PPP5C: variants seen among roughly 807,000 people sequenced by gnomAD.
PPP5C encodes the protein serine/threonine-protein phosphatase 5.
Under a neutral mutation model 66.7 loss-of-function variants are expected in PPP5C, and 21 were observed. The observed-to-expected ratio is 0.31, with a 90% CI of 0.22 to 0.45. The LOEUF (loss-of-function observed/expected upper bound fraction) is 0.45, where lower values mean the gene tolerates loss of function less well. Ranked by LOEUF, PPP5C falls within the 20% of genes least tolerant of loss-of-function variation. The pLI, the probability that PPP5C is intolerant of heterozygous loss-of-function variation, is 1.00. For missense variants in PPP5C, 464 were observed against 675.9 expected, an observed-to-expected ratio of 0.69 and a Z score of 3.48; for synonymous variants, 246 against 257.4, an observed-to-expected ratio of 0.96 and a Z score of 0.43.
At position 46,376,741 on chromosome 19, in the gene PPP5C, A is replaced by G. The variant is rs1202405422; in HGVS notation, c.633+167A>G. ...TGCCGAGGGCTTACCACATGATCTCATCTCGTCCCACAGCAGTTTGGGGAG... is the reference window on the plus strand; with the variant it reads ...TGCCGAGGGCTTACCACATGATCTCGTCTCGTCCCACAGCAGTTTGGGGAG... On this transcript the variant is annotated intron_variant, in intron 4 of 12. Transcript: ENST00000012443. This position sits in a 1 kb window ranked among gnomAD's most constrained non-coding sequence, Gnocchi z 5.1. 1 of 939,228 alleles carries G rather than the reference A, an allele frequency of 1.1e-6. No homozygotes were observed. Among genetic ancestry groups the G allele is most frequent in the African/African-American group, 1.7e-5 (1 of 59,778 alleles). The allele number at this position is 939,228 out of a possible 1,614,324, so 58.2% of individuals were successfully genotyped here. A position where few individuals can be genotyped will look rare whatever the true frequency, so the allele number is the denominator to read the frequency against.
chr19:46,354,896 G>T (rs992773240), intron 2 of PPP5C, among the ~76,000 whole-genome samples: 2 of 152,280 alleles, frequency 1.3e-5, no homozygotes, highest in East Asian at 3.9e-4. Flanking sequence ...GTGAGAATTC[G>T]CTAGTGCCCT....
chr19:46,371,296 G>A (rs1051798722), intron 2 of PPP5C, among the ~76,000 whole-genome samples: 2 of 152,164 alleles, frequency 1.3e-5, no homozygotes, highest in Admixed American at 6.5e-5. Flanking sequence ...TTAGAAATGC[G>A]TGTTGCCTTG....
intron 1 of PPP5C, among the ~76,000 whole-genome samples, chr19:46,351,057 C>T (rs1972175254): frequency 6.6e-6 from 1 of 152,154 alleles, no homozygotes; most frequent in African/African-American, 2.4e-5. Context: ...CTGTGGGCCT[C>T]AGTGCCCCGC....
chr19:46,375,732 G>T lies in PPP5C; in HGVS notation c.492G>T (p.Ser164=). ...AGCACAAGCGCTCCGTGGTGGACTC[G>T]CTGGACATCGAGAGCATGAGTGAGT... The part of the protein sequence containing the change: ...GDEHKRSVVD[S]LDIESMTIED... The change falls in exon 3 of 13, where the codon TCG becomes TCT. Residue 164 remains serine, a synonymous_variant. Coordinates refer to ENST00000012443, the MANE Select transcript of PPP5C (RefSeq NM_006247.4). 2 of 1,601,630 alleles carry T rather than the reference G, an allele frequency of 1.2e-6. No individual in the cohort carries two copies. Among genetic ancestry groups the T allele is most frequent in the Non-Finnish European group, 1.7e-6 (2 of 1,173,378 alleles).
intron 1 of PPP5C, among the ~76,000 whole-genome samples, chr19:46,347,455 C>T (rs946823810): frequency 6.6e-6 from 1 of 151,976 alleles, no homozygotes; most frequent in Non-Finnish European, 1.5e-5. Flanking sequence ...AGGAGGGCGC[C>T]ACCAATTGTG....
In PPP5C at chr19:46,383,212, T is replaced by C. The variant is rs1478486745; in HGVS notation, c.634-199T>C. On this transcript the variant is annotated intron_variant, in intron 4 of 12. Coordinates refer to ENST00000012443, the MANE Select transcript of PPP5C (RefSeq NM_006247.4). This position sits in a 1 kb window ranked among gnomAD's most constrained non-coding sequence, Gnocchi z 5.0. ...CAAAACAATCGCAATGCTTCGGCAC[T>C]GCACAGGCCACAGAAGCCTGCGGCT... 6.5e-6 allele frequency: 10 copies of C among 1,532,448 alleles called. No homozygotes were observed. Among genetic ancestry groups the C allele is most frequent in the Middle Eastern group, 1.7e-4 (1 of 5,958 alleles). The allele number at this position is 1,532,448 out of a possible 1,614,324, so 94.9% of individuals were successfully genotyped here.
chr19:46,351,231 C>T (rs1349504992), intron 1 of PPP5C, among the ~76,000 whole-genome samples: 1 of 152,174 alleles, frequency 6.6e-6, no homozygotes, highest in Admixed American at 6.5e-5. Flanking sequence ...AATGACTTAA[C>T]TTCTCTGGGC....
At chr19:46,389,413 A>AGTGTTGAGTAAGACTC in intron 11 of PPP5C, among the ~76,000 whole-genome samples, 1 of 45,414 alleles carries the variant, frequency 2.2e-5, no homozygotes, top group African/African-American at 7.0e-5. Flanking sequence ...ACACACACAC[A>AGTGTTGAGTAAGACTC]CACACACACA....
At chr19:46,377,735 T>C (rs1465811314) in intron 4 of PPP5C, among the ~76,000 whole-genome samples, 1 of 152,244 alleles carries the variant, frequency 6.6e-6, no homozygotes, top group Non-Finnish European at 1.5e-5. Context: ...TTGAATTTCA[T>C]TTCAATGTCA....
At chr19:46,387,481 A>G (rs377497271) in intron 9 of PPP5C, 28 bp downstream of exon 9, 3 of 1,614,064 alleles carry the variant, frequency 1.9e-6, no homozygotes, top group Non-Finnish European at 2.5e-6. Flanking sequence ...AGGTGTCTCC[A>G]GCAGAAAGGG....
chr19:46,348,303 T>C (rs952022251), intron 1 of PPP5C, among the ~76,000 whole-genome samples: 24 of 141,158 alleles, frequency 1.7e-4, no homozygotes, highest in Non-Finnish European at 2.7e-4. Context: ...AAGACCAGTT[T>C]GGAATTTTTT....
intron 4 of PPP5C, among the ~76,000 whole-genome samples, chr19:46,380,008 A>C (rs187935446): frequency 1.4e-4 from 21 of 152,364 alleles, no homozygotes; most frequent in Non-Finnish European, 2.4e-4. Flanking sequence ...TTAATGGACA[A>C]TATAAGAATC....
At chr19:46,371,826 C>T (rs1403890073) in intron 2 of PPP5C, among the ~76,000 whole-genome samples, 4 of 152,318 alleles carry the variant, frequency 2.6e-5, no homozygotes, top group East Asian at 3.9e-4. Flanking sequence ...CAGGCAGGCA[C>T]GGCTCCCTTC....
Position 46,376,362 on chromosome 19 carries a change from C to T in PPP5C, c.512-91C>T. 6.5e-7 allele frequency: 1 copy of T among 1,527,218 alleles called. No individual in the cohort carries two copies. The highest frequency in any genetic ancestry group is 8.9e-7 in the Non-Finnish European group (1 of 1,120,482). 94.6% of individuals were successfully genotyped at this position (1,527,218 alleles called of 1,614,324 possible). ...CCGCTCTCGACCTGTGTGTCCACAC[C>T]CAAGTTTTCCCCATCCCTGGGAGCG... On this transcript the variant is annotated intron_variant, in intron 3 of 12. Coordinates refer to ENST00000012443, the MANE Select transcript of PPP5C (RefSeq NM_006247.4). The surrounding 1 kb of genome is among the most constrained non-coding windows in gnomAD (Gnocchi z 5.1).
Position 46,388,347 on chromosome 19 carries a change from T to C in PPP5C, c.1136-61T>C. 6.5e-7 allele frequency: 1 copy of C among 1,543,806 alleles called. No individual in the cohort carries two copies. Among genetic ancestry groups the C allele is most frequent in the Non-Finnish European group, 8.8e-7 (1 of 1,136,206 alleles). On this transcript the variant is annotated intron_variant, in intron 9 of 12. Transcript: ENST00000012443. This position sits in a 1 kb window ranked among gnomAD's most constrained non-coding sequence, Gnocchi z 4.9. ...CACCTGGCCGGGCCAGGAGGTGGCCTGTGAGTGACCACCCCCGGGGAGGTG... is the reference window on the plus strand; with the variant it reads ...CACCTGGCCGGGCCAGGAGGTGGCCCGTGAGTGACCACCCCCGGGGAGGTG...
rs146850849 is a variant in PPP5C, at chr19:46,367,054, G to T, written c.364-8550G>T. Among the ~76,000 whole-genome samples, 827 of 152,300 alleles carry T rather than the reference G, an allele frequency of 5.4e-3. 4 individuals carry two copies. Among genetic ancestry groups the T allele is most frequent in the African/African-American group, 0.019 (789 of 41,556 alleles). ...ATCACTTCCATTCAGATAGGGTGTG[G>T]TTACATAGGTGCGGGACTAGTGGGC... On this transcript the variant is annotated intron_variant, in intron 2 of 12. Transcript: ENST00000012443.
Position 46,390,707 on chromosome 19 carries a change from C to T in PPP5C, c.*361C>T, listed in dbSNP as rs1973006418. The T allele has an allele frequency of 8.5e-7, 1 of 1,177,990 alleles. No individual in the cohort carries two copies. Among genetic ancestry groups the T allele is most frequent in the African/African-American group, 1.6e-5 (1 of 63,600 alleles). The allele number at this position is 1,177,990 out of a possible 1,614,324, so 73.0% of individuals were successfully genotyped here. A position where few individuals can be genotyped will look rare whatever the true frequency, so the allele number is the denominator to read the frequency against. On this transcript the variant is annotated 3_prime_UTR_variant, in exon 13 of 13. Transcript: ENST00000012443. ...CAATAGGGCCCCGCCATAGGAAGAC[C>T]CCCAGAGAGAGGGTCAGCAGGGGGG...
In PPP5C at chr19:46,388,838, A is replaced by T; in HGVS notation, c.1355+107A>T. On this transcript the variant is annotated intron_variant, in intron 11 of 12. Coordinates refer to ENST00000012443, the MANE Select transcript of PPP5C (RefSeq NM_006247.4). This position sits in a 1 kb window ranked among gnomAD's most constrained non-coding sequence, Gnocchi z 4.9. The stretch of plus-strand genomic sequence containing the variant: ...GAACATTTCAAAGACAGGCAAGAGC[A>T]GATAAAAGAACATGACGAACACCCC... The T allele has an allele frequency of 7.1e-7, 1 of 1,412,738 alleles. No homozygotes were observed. The highest frequency in any genetic ancestry group is 9.7e-7 in the Non-Finnish European group (1 of 1,035,802). The allele number at this position is 1,412,738 out of a possible 1,614,324, so 87.5% of individuals were successfully genotyped here.
chr19:46,361,128 A>ATTTTTTTTTT lies in PPP5C; in HGVS notation c.363+7139_363+7140insTTTTTTTTTT, dbSNP rs202038384. Among the ~76,000 whole-genome samples, 15 of 133,462 alleles carry ATTTTTTTTTT rather than the reference A, an allele frequency of 1.1e-4. 1 individual carries two copies. The highest frequency in any genetic ancestry group is 2.3e-4 in the East Asian group (1 of 4,382). 87.6% of individuals were successfully genotyped at this position (133,462 alleles called of 152,430 possible). A position where few individuals can be genotyped will look rare whatever the true frequency, so the allele number is the denominator to read the frequency against. ...TTTACCCAAAAGATAAGTGAAAGAA[A>ATTTTTTTTTT]ATTTTTTTTTTTTTTTTTTGAGACG... On this transcript the variant is annotated intron_variant, in intron 2 of 12. Transcript: ENST00000012443.
Sources: gnomAD v4.1 joint callset for allele counts (sites outside exome capture counted in the v4.1 genomes callset) on GRCh38, gnomAD v4.1.1 for gene constraint, Gnocchi (gnomAD v3.1) non-coding constraint, MANE v1.5 for transcripts, NCBI Gene and HGNC (gene_info 2026-07-23, HGNC 2026-07-21) for gene names.